IPPK: variants seen among roughly 807,000 people sequenced by gnomAD.
IPPK encodes the protein inositol-pentakisphosphate 2-kinase.
IPPK carries 22 observed loss-of-function variants against 64.6 expected under a neutral mutation model. That is an observed-to-expected ratio of 0.34 (90% CI 0.24 to 0.49). The LOEUF is 0.49. IPPK is among the 20% of genes least tolerant of loss of function. The probability of loss-of-function intolerance (pLI) is 0.99; values close to 1 mark genes in which losing one functional copy is unlikely to be tolerated. For synonymous variants in IPPK, 262 were observed against 247.2 expected, an observed-to-expected ratio of 1.06 and a Z score of -0.56; for missense variants, 532 against 630.7, an observed-to-expected ratio of 0.84 and a Z score of 1.68.
chr9:92,642,447 C>G (rs781023899), intron 7 of IPPK, among the ~76,000 whole-genome samples: 2 of 152,246 alleles, frequency 1.3e-5, no homozygotes, highest in African/African-American at 4.8e-5. Context: ...AGGGCCCAGA[C>G]GGATGGAGGT....
intron 6 of IPPK, 100 bp from the exon 7 acceptor site, chr9:92,642,910 G>C: frequency 2.0e-6 from 2 of 975,638 alleles, no homozygotes; most frequent in East Asian, 2.4e-5. Context: ...AGACAATGAA[G>C]ACGAGCTGCA....
At chr9:92,630,295 C>G (rs1851814692) in intron 11 of IPPK, among the ~76,000 whole-genome samples, 1 of 152,168 alleles carries the variant, frequency 6.6e-6, no homozygotes, top group Non-Finnish European at 1.5e-5. Context: ...ACCACACATT[C>G]AATGACTCTG....
chr9:92,640,773 CTGTT>C lies in IPPK; in HGVS notation c.569_572del (p.Lys190ArgfsTer7). The C allele has an allele frequency of 2.5e-6, 4 of 1,611,102 alleles. No homozygotes were observed. Among genetic ancestry groups the C allele is most frequent in the Non-Finnish European group, 3.4e-6 (4 of 1,177,256 alleles). ...AACTCTTCAAGGCAAAGTGCATTCT[CTGTT>C]TGTTTCTAAAAGGGAAAAGCATTAA... On this transcript the variant is annotated frameshift_variant, in exon 8 of 13. Transcript: ENST00000287996. LOFTEE classifies it high-confidence loss of function.
Position 92,633,385 on chromosome 9 carries a change from GT to G in IPPK, c.1170+1000del, listed in dbSNP as rs991350863. Among the ~76,000 whole-genome samples, 9 of 149,110 alleles carry G rather than the reference GT, an allele frequency of 6.0e-5. No individual in the cohort carries two copies. In the East Asian group the frequency reaches 1.8e-3, roughly 30 times the overall value. ...TAAAATACCAAAAAAAAAAAAAAAT[GT>G]TTTTTTGAGACGGGGCTTGCTCTGT... On this transcript the variant is annotated intron_variant, in intron 11 of 12. Coordinates refer to ENST00000287996, the MANE Select transcript of IPPK (RefSeq NM_022755.6).
intron 12 of IPPK, chr9:92,616,806 C>T (rs1243051446): frequency 6.6e-6 from 1 of 152,248 alleles, no homozygotes; most frequent in East Asian, 1.9e-4. Context: ...TCCGGGCACT[C>T]AGCGCACAGC....
At chr9:92,659,476 T>C (rs578067699) in intron 1 of IPPK, among the ~76,000 whole-genome samples, 20 of 152,384 alleles carry the variant, frequency 1.3e-4, no homozygotes, top group African/African-American at 4.8e-4. Flanking sequence ...TTACAATAAC[T>C]TCTTTTTAAT....
intron 4 of IPPK, 145 bp from the exon 5 acceptor site, chr9:92,649,719 G>C (rs1852222854): frequency 1.0e-6 from 1 of 995,948 alleles, no homozygotes; most frequent in African/African-American, 1.6e-5. Context: ...GGGGATTGTG[G>C]GACACACACA....
Position 92,642,696 on chromosome 9 carries a change from C to T in IPPK, c.563+56G>A, listed in dbSNP as rs1587632736. 1.8e-5 allele frequency: 27 copies of T among 1,514,604 alleles called. No individual in the cohort carries two copies. In the East Asian group the frequency reaches 5.8e-4, roughly 33 times the overall value. The allele number at this position is 1,514,604 out of a possible 1,614,324, so 93.8% of individuals were successfully genotyped here. On this transcript the variant is annotated intron_variant, in intron 7 of 12. Transcript: ENST00000287996. ...CCCCCCACCAGGCACTGGCCCCCGC[C>T]CTACCCATCTCCAGGGAACCTGACA...
intron 3 of IPPK, among the ~76,000 whole-genome samples, chr9:92,656,054 C>T (rs957847606): frequency 1.3e-5 from 2 of 152,320 alleles, no homozygotes; most frequent in Non-Finnish European, 2.9e-5. Context: ...GGAGGCCCTT[C>T]CTGGGTGTGA....
rs750037938 is a variant in IPPK at position 92,649,533 on chromosome 9, C to T, written c.334G>A (p.Ala112Thr). The change falls in exon 5 of 13, where the codon GCT (alanine) becomes ACT (threonine). Residue 112 changes from alanine (A) to threonine (T), a missense_variant. Physicochemically the swap from Ala to Thr is moderately conservative, Grantham distance 58 (BLOSUM62 0). Transcript: ENST00000287996. ...DKDLDTLSGY[A>T]MCLPNLTRLQ... ...CTGGTTAAATTAGGAAGGCACATAG[C>T]GTAACCACTGAGAGTATCCAGGTCC... 3.1e-6 allele frequency: 5 copies of T among 1,613,956 alleles called. No homozygotes were observed. The highest frequency in any genetic ancestry group is 2.2e-5 in the South Asian group (2 of 91,082).
In IPPK at chr9:92,615,825, G is replaced by T. The variant is rs758334027; in HGVS notation, c.*7C>A. The T allele has an allele frequency of 6.3e-7, 1 of 1,597,190 alleles. No homozygotes were observed. The highest frequency in any genetic ancestry group is 8.6e-7 in the Non-Finnish European group (1 of 1,164,778). On this transcript the variant is annotated 3_prime_UTR_variant, in exon 13 of 13. Transcript: ENST00000287996. ...GTTCAAGTTTCAAAGACACTGCAGG[G>T]AAAGAGTTAGACCTTGTGGAGAACT...
At chr9:92,620,934 T>G (rs1851609295) in intron 11 of IPPK, among the ~76,000 whole-genome samples, 2 of 152,214 alleles carry the variant, frequency 1.3e-5, no homozygotes, top group African/African-American at 4.8e-5. Flanking sequence ...ACTGGTAGCT[T>G]ATAAACAACA....
At chr9:92,649,658 C>G (rs1226090390) in intron 4 of IPPK, 84 bp from the exon 5 acceptor site, 1 of 1,533,338 alleles carries the variant, frequency 6.5e-7, no homozygotes, top group Non-Finnish European at 8.9e-7. Flanking sequence ...CCCGCCTTGT[C>G]CCTGGTTCCA....
intron 11 of IPPK, among the ~76,000 whole-genome samples, chr9:92,631,455 T>C (rs1443253747): frequency 6.6e-6 from 1 of 152,184 alleles, no homozygotes; most frequent in East Asian, 1.9e-4. Flanking sequence ...GTGTTGGGAT[T>C]ATAGGCGTAA....
intron 11 of IPPK, among the ~76,000 whole-genome samples, chr9:92,624,953 G>GT (rs1851708707): frequency 6.6e-6 from 1 of 151,748 alleles, no homozygotes; most frequent in African/African-American, 2.4e-5. Flanking sequence ...GCATGATCTC[G>GT]TAAGTCAAGT....
At chr9:92,655,920 G>A (rs542343227) in intron 3 of IPPK, among the ~76,000 whole-genome samples, 1 of 152,306 alleles carries the variant, frequency 6.6e-6, no homozygotes, top group East Asian at 1.9e-4. Flanking sequence ...AACAGGCCCA[G>A]GCAAGAAGTG....
chr9:92,619,209 T>A (rs983491025), intron 12 of IPPK: 2 of 390,758 alleles, frequency 5.1e-6, no homozygotes, highest in East Asian at 9.1e-5. Flanking sequence ...CCACATTGTT[T>A]CTGAGCTCTT....
intron 3 of IPPK, among the ~76,000 whole-genome samples, chr9:92,655,541 C>T (rs907320282): frequency 1.3e-5 from 2 of 152,118 alleles, no homozygotes; most frequent in Admixed American, 1.3e-4. Context: ...TATCCTGTCC[C>T]CTCAGAGCAG....
chr9:92,656,738 C>A (rs906311097), intron 2 of IPPK, among the ~76,000 whole-genome samples, 187 bp from the exon 3 acceptor site: 1 of 152,132 alleles, frequency 6.6e-6, no homozygotes, highest in African/African-American at 2.4e-5. Context: ...CACCAGCGTC[C>A]CTCCCCAGCC....
Sources: allele counts gnomAD v4.1 joint callset (sites outside exome capture counted in the v4.1 genomes callset), GRCh38; gene constraint gnomAD v4.1.1; transcripts MANE v1.5; gene names NCBI Gene and HGNC (gene_info 2026-07-23, HGNC 2026-07-21).